Variants in CBLB observed in about 807,000 individuals in gnomAD.
CBLB encodes the protein Cbl proto-oncogene B.
In CBLB, 31 loss-of-function variants were observed where a neutral mutation model predicts 104.9. The ratio of observed to expected loss-of-function variants is 0.30; its 90% CI spans 0.22 to 0.40. The LOEUF (loss-of-function observed/expected upper bound fraction) is 0.40, where lower values mean the gene tolerates loss of function less well. CBLB is among the 10% of genes least tolerant of loss of function. The pLI is 1.00. For missense variants in CBLB, 1,062 were observed against 1,214.6 expected, an observed-to-expected ratio of 0.87 and a Z score of 1.87; for synonymous variants, 440 against 422.6, an observed-to-expected ratio of 1.04 and a Z score of -0.51.
intron 3 of CBLB, among the ~76,000 whole-genome samples, chr3:105,789,636 A>AC (rs1182352322): frequency 6.6e-6 from 1 of 152,172 alleles, no homozygotes; most frequent in Non-Finnish European, 1.5e-5. Context: ...AGGTAGAAAA[A>AC]CCCCTGACAT....
At chr3:105,813,662 T>C (rs1398404200) in intron 3 of CBLB, among the ~76,000 whole-genome samples, 1 of 152,170 alleles carries the variant, frequency 6.6e-6, no homozygotes, top group Non-Finnish European at 1.5e-5. Context: ...ACTGTATTTA[T>C]AATTTATCAC....
chr3:105,848,906 C>G (rs1298171449), intron 3 of CBLB, among the ~76,000 whole-genome samples: 2 of 152,072 alleles, frequency 1.3e-5, no homozygotes, highest in Non-Finnish European at 2.9e-5. Flanking sequence ...ACTTTGTTGC[C>G]TAACTACCTT....
intron 3 of CBLB, among the ~76,000 whole-genome samples, chr3:105,806,496 CAG>C (rs2083517608): frequency 1.5e-4 from 8 of 53,658 alleles, no homozygotes; most frequent in Admixed American, 3.4e-4. Context: ...AAAAAAAAAA[CAG>C]AAATTGTGTG....
chr3:105,823,022 T>C (rs1272693231), intron 3 of CBLB, among the ~76,000 whole-genome samples: 2 of 152,218 alleles, frequency 1.3e-5, no homozygotes, highest in African/African-American at 4.8e-5. Flanking sequence ...ATCCGTTCAA[T>C]GCCCTATTCA....
rs77105898 is a variant in CBLB at position 105,824,556 on chromosome 3, G to A, written c.419+28858C>T. Reference sequence around the variant, plus strand: ...GGAGTAGAGTCAGCCTGACTTTAGCGAATTGCAATCTCCCCACTCTGGGCC... The same window carrying A: ...GGAGTAGAGTCAGCCTGACTTTAGCAAATTGCAATCTCCCCACTCTGGGCC... On this transcript the variant is annotated intron_variant, in intron 3 of 18. Coordinates refer to ENST00000394030, the MANE Select transcript of CBLB (RefSeq NM_170662.5). 2.8e-3 allele frequency among the ~76,000 whole-genome samples: 426 copies of A among 152,164 alleles called. 6 individuals are homozygous for A. Among genetic ancestry groups the A allele is most frequent in the African/African-American group, 9.8e-3 (407 of 41,530 alleles).
chr3:105,834,613 G>A (rs1162786857), intron 3 of CBLB, among the ~76,000 whole-genome samples: 2 of 152,006 alleles, frequency 1.3e-5, no homozygotes, highest in Non-Finnish European at 2.9e-5. Flanking sequence ...ACAAGATTGC[G>A]CCACTGCACT....
chr3:105,688,556 A>C (rs2067285679), intron 13 of CBLB, among the ~76,000 whole-genome samples: 1 of 152,082 alleles, frequency 6.6e-6, no homozygotes, highest in South Asian at 2.1e-4. Context: ...ATAGTATCTG[A>C]AGGCAAGTAA....
At chr3:105,821,657 C>T (rs1464746271) in intron 3 of CBLB, among the ~76,000 whole-genome samples, 1 of 152,178 alleles carries the variant, frequency 6.6e-6, no homozygotes, top group Non-Finnish European at 1.5e-5. Context: ...GTACTGCAAT[C>T]ATCCAACCTA....
intron 3 of CBLB, among the ~76,000 whole-genome samples, chr3:105,827,371 A>T (rs573032992): frequency 1.8e-4 from 27 of 152,104 alleles, no homozygotes; most frequent in Admixed American, 1.0e-3. Flanking sequence ...CATAACACTC[A>T]CAATTTCTTG....
At chr3:105,661,354 T>C (rs779527524) in intron 18 of CBLB, among the ~76,000 whole-genome samples, 3 of 152,212 alleles carry the variant, frequency 2.0e-5, no homozygotes, top group Non-Finnish European at 4.4e-5. Context: ...CATTATGTCA[T>C]ACAGGAATGG....
At chr3:105,739,753 G>T (rs1391632021) in intron 7 of CBLB, among the ~76,000 whole-genome samples, 1 of 152,072 alleles carries the variant, frequency 6.6e-6, no homozygotes, top group Admixed American at 6.5e-5. Flanking sequence ...GAAAAGGGGT[G>T]GAGGGAGAAA....
At chr3:105,839,331 T>C (rs942448727) in intron 3 of CBLB, 9 of 152,330 alleles carry the variant, frequency 5.9e-5, no homozygotes, top group South Asian at 2.1e-4. Context: ...AAATTTATTA[T>C]GTTTTAAAAT....
chr3:105,815,984 A>G (rs560136750), intron 3 of CBLB, among the ~76,000 whole-genome samples: 4 of 152,278 alleles, frequency 2.6e-5, no homozygotes, highest in South Asian at 4.2e-4. Context: ...GTTCTCGCTC[A>G]TAAGTGGGAG....
intron 18 of CBLB, among the ~76,000 whole-genome samples, chr3:105,665,434 TATATATATACAC>T (rs1481633801): frequency 0.01 from 1,164 of 112,144 alleles, 29 homozygotes; most frequent in African/African-American, 0.035. Flanking sequence ...TATATATATA[TATATATATACAC>T]ACACACACAC....
chr3:105,784,017 A>G (rs1447462759), intron 3 of CBLB, among the ~76,000 whole-genome samples: 1 of 152,236 alleles, frequency 6.6e-6, no homozygotes, highest in Non-Finnish European at 1.5e-5. Flanking sequence ...CATCTCTTTG[A>G]TGATTTCAAC....
Position 105,759,593 on chromosome 3 carries a change from G to C in CBLB, c.567-7975C>G, listed in dbSNP as rs1404845998. ...AGTCTGGAAAGGGATGCGGTGGCAG[G>C]GGGCTGGCATGTCAGCGCCACCCTG... On this transcript the variant is annotated intron_variant, in intron 4 of 18. Coordinates refer to ENST00000394030, the MANE Select transcript of CBLB (RefSeq NM_170662.5). Among the ~76,000 whole-genome samples the C allele has an allele frequency of 2.0e-5, 3 of 152,310 alleles. No individual in the cohort carries two copies. In the East Asian group the frequency reaches 5.8e-4, roughly 29 times the overall value.
At chr3:105,799,448 G>T (rs1205640993) in intron 3 of CBLB, among the ~76,000 whole-genome samples, 1 of 152,092 alleles carries the variant, frequency 6.6e-6, no homozygotes, top group Non-Finnish European at 1.5e-5. Flanking sequence ...ATCATGAAGT[G>T]TGTTTCAGTG....
Position 105,778,698 on chromosome 3 carries a change from T to A in CBLB, c.420-2156A>T, listed in dbSNP as rs973903035. Reference sequence around the variant, plus strand: ...TCTGGAAAATTCATTATAATATACATAAATGTTACATCATTTTATTAGATT... The same window carrying A: ...TCTGGAAAATTCATTATAATATACAAAAATGTTACATCATTTTATTAGATT... On this transcript the variant is annotated intron_variant, in intron 3 of 18. Coordinates refer to ENST00000394030, the MANE Select transcript of CBLB (RefSeq NM_170662.5). Among the ~76,000 whole-genome samples, 10 of 152,294 alleles carry A rather than the reference T, an allele frequency of 6.6e-5. No individual in the cohort carries two copies. In the East Asian group the frequency reaches 1.7e-3, roughly 26 times the overall value.
At chr3:105,861,140 A>AAAC (rs10662861) in intron 2 of CBLB, among the ~76,000 whole-genome samples, 35,958 of 151,814 alleles carry the variant, frequency 0.24, 4,476 homozygotes, top group East Asian at 0.44. Context: ...TAAAAACAAA[A>AAAC]AAAACCTTTA....
Sources: allele counts gnomAD v4.1 joint callset (sites outside exome capture counted in the v4.1 genomes callset), GRCh38; gene constraint gnomAD v4.1.1; transcripts MANE v1.5; gene names NCBI Gene and HGNC (gene_info 2026-07-23, HGNC 2026-07-21).